The following EP400 variants were observed in gnomAD, a reference collection of about 807,000 sequenced individuals.
The protein encoded by EP400 is E1A binding protein p400, also known as E1A-binding protein p400.
EP400 carries 105 observed loss-of-function variants against 354.1 expected under a neutral mutation model. That is an observed-to-expected ratio of 0.30 (90% confidence interval 0.25 to 0.35). EP400 has a LOEUF of 0.35. Among genes scored for constraint, EP400 ranks in the 10% least tolerant of loss-of-function variants. EP400 has a pLI of 1.00. For missense variants in EP400, 3,280 were observed against 4,121.0 expected, an observed-to-expected ratio of 0.80 and a Z score of 5.59; for synonymous variants, 1,646 against 1,716.9, an observed-to-expected ratio of 0.96 and a Z score of 1.02.
chr12:132,016,984 G>A (rs997572998), intron 19 of EP400, among the ~76,000 whole-genome samples: 3 of 152,178 alleles, frequency 2.0e-5, no homozygotes, highest in African/African-American at 7.2e-5. Context: ...CTGGTGCACT[G>A]TGCTCACACC....
chr12:132,033,741 AG>A (rs1339182619), intron 30 of EP400, among the ~76,000 whole-genome samples: 2 of 152,070 alleles, frequency 1.3e-5, no homozygotes, highest in Admixed American at 1.3e-4. Flanking sequence ...TGTGTTGCCC[AG>A]GCTGGTCCCA....
intron 2 of EP400, chr12:131,963,686 T>G: frequency 6.7e-7 from 1 of 1,494,978 alleles, no homozygotes; most frequent in East Asian, 2.3e-5. Flanking sequence ...CCCAAACTTT[T>G]CCTTCATCCA....
In EP400 at chr12:131,990,556, T is replaced by C. The variant is rs761393977; in HGVS notation, c.2551-80T>C. On this transcript the variant is annotated intron_variant, in intron 8 of 52. Coordinates refer to ENST00000389561, the MANE Select transcript of EP400 (RefSeq NM_015409.5). The surrounding 1 kb of genome is among the most constrained non-coding windows in gnomAD (Gnocchi z 4.2). ...ACACTGTTTTCAGACTCTGCTTATGTGCTTTAGTGTTTTGTATGCAGAACG... is the reference window on the plus strand; with the variant it reads ...ACACTGTTTTCAGACTCTGCTTATGCGCTTTAGTGTTTTGTATGCAGAACG... The C allele has an allele frequency of 1.2e-5, 13 of 1,050,172 alleles. No individual in the cohort carries two copies. The highest frequency in any genetic ancestry group is 1.8e-5 in the Non-Finnish European group (13 of 704,784). The allele number at this position is 1,050,172 out of a possible 1,614,324, so 65.1% of individuals were successfully genotyped here.
rs139602649 is a variant in EP400, at chr12:131,985,953, G to C, written c.1930-561G>C. Among the ~76,000 whole-genome samples the C allele has an allele frequency of 4.3e-4, 65 of 152,186 alleles. 1 individual carries two copies. The highest frequency in any genetic ancestry group is 1.4e-3 in the African/African-American group (60 of 41,530). ...TTTTAGCCTGTCTGCCATGAGAGAG[G>C]CACACTGAATTTGTATTTTATTTTA... On this transcript the variant is annotated intron_variant, in intron 5 of 52. Coordinates refer to ENST00000389561, the MANE Select transcript of EP400 (RefSeq NM_015409.5).
Position 131,986,614 on chromosome 12 carries a change from G to T in EP400, c.2030G>T (p.Gly677Val), listed in dbSNP as rs774393657. 54 of 1,613,814 alleles carry T rather than the reference G, an allele frequency of 3.3e-5. No homozygotes were observed. Among genetic ancestry groups the T allele is most frequent in the Non-Finnish European group, 4.0e-5 (47 of 1,180,026 alleles). Residue 677 changes from glycine (G) to valine (V), a missense_variant, in exon 6 of 53, where the codon GGC (glycine) becomes GTC (valine). Gly to Val is a moderately radical substitution (Grantham distance 109). This residue lies in a region of EP400 where 800 missense variants were observed against 840.0 expected (regional missense o/e 0.95). Coordinates refer to ENST00000389561, the MANE Select transcript of EP400 (RefSeq NM_015409.5). ...TCCCTCGCGCCTGTGAGTGGCTCCG[G>T]CCCAGGACCCTCCCCTGCTCGATCC... ...TSSLAPVSGS[G>V]PGPSPARSSP... is the part of the protein sequence containing the mutation.
chr12:131,956,467 T>A (rs555409039), intron 1 of EP400, among the ~76,000 whole-genome samples: 1 of 152,210 alleles, frequency 6.6e-6, no homozygotes, highest in African/African-American at 2.4e-5. Flanking sequence ...TGCTTTTTAA[T>A]TTTTTTTGTT....
chr12:131,961,874 A>C lies in EP400; in HGVS notation c.1255A>C (p.Arg419=), dbSNP rs201667326. 7.4e-6 allele frequency: 12 copies of C among 1,614,220 alleles called. No homozygotes were observed. Among genetic ancestry groups the C allele is most frequent in the Non-Finnish European group, 9.3e-6 (11 of 1,180,042 alleles). The change falls in exon 2 of 53, where the codon AGG becomes CGG. Residue 419 remains arginine (R), a synonymous_variant. Transcript: ENST00000389561. ...TTATGCCCCATTACAAGCATATCTTAGGCAGAATGATTTGGACATTGAAGA... is the reference window on the plus strand; with the variant it reads ...TTATGCCCCATTACAAGCATATCTTCGGCAGAATGATTTGGACATTGAAGA... ...KHYAPLQAYL[R]QNDLDIEEEE... is the part of the protein sequence containing the mutation.
chr12:131,967,317 G>T (rs1051024761), intron 2 of EP400, among the ~76,000 whole-genome samples: 2 of 151,966 alleles, frequency 1.3e-5, no homozygotes, highest in African/African-American at 4.8e-5. Context: ...GGAGATGGAG[G>T]TTGCAGTGAG....
intron 5 of EP400, among the ~76,000 whole-genome samples, chr12:131,982,843 G>T (rs1892727605): frequency 6.6e-6 from 1 of 151,990 alleles, no homozygotes; most frequent in Admixed American, 6.6e-5. Flanking sequence ...GGTGGCAAGT[G>T]CCTGTAGTCC....
chr12:132,008,379 C>G (rs1313687044), intron 15 of EP400, among the ~76,000 whole-genome samples: 2 of 152,208 alleles, frequency 1.3e-5, no homozygotes, highest in Non-Finnish European at 1.5e-5. Flanking sequence ...TAAGCATAAG[C>G]AGATCAACTT....
intron 12 of EP400, among the ~76,000 whole-genome samples, chr12:131,999,983 T>TC (rs1190417613): frequency 6.6e-6 from 1 of 151,610 alleles, no homozygotes; most frequent in Non-Finnish European, 1.5e-5. Context: ...CAGATTCTTT[T>TC]TTTTTTTTTT....
Position 132,053,387 on chromosome 12 carries a change from G to GGCCCCCCCCCC in EP400, c.7518_7519insGCCCCCCCCCC (p.Pro2507AlafsTer92). The GGCCCCCCCCCC allele has an allele frequency of 1.3e-6, 2 of 1,546,958 alleles. No homozygotes were observed. Among genetic ancestry groups the GGCCCCCCCCCC allele is most frequent in the South Asian group, 1.2e-5 (1 of 84,560 alleles). On this transcript the variant is annotated frameshift_variant, in exon 43 of 53. Transcript: ENST00000389561. LOFTEE classifies it high-confidence loss of function. The stretch of plus-strand genomic sequence containing the variant: ...AGGCACAGCAGCCGGCCGTGGCCCA[G>GGCCCCCCCCCC]CCACCCCCGCCCCAGCCGCAGCCCC...
intron 51 of EP400, 96 bp downstream of exon 51, chr12:132,069,737 C>A: frequency 1.3e-6 from 2 of 1,536,268 alleles, no homozygotes; most frequent in Non-Finnish European, 1.8e-6. Context: ...CCAGCCCTTG[C>A]GGCTGCACTG....
chr12:131,990,128 G>C lies in EP400; in HGVS notation c.2550+24G>C, dbSNP rs1310984620. On this transcript the variant is annotated intron_variant, in intron 8 of 52. Coordinates refer to ENST00000389561, the MANE Select transcript of EP400 (RefSeq NM_015409.5). This position sits in a 1 kb window ranked among gnomAD's most constrained non-coding sequence, Gnocchi z 4.2. The stretch of plus-strand genomic sequence containing the variant: ...AGGCGAGTGCTGCCGTTGTCATGGG[G>C]TCGTAAGAATCAGTCTGTCGGAGCT... The C allele has an allele frequency of 6.3e-7, 1 of 1,585,530 alleles. No homozygotes were observed. The highest frequency in any genetic ancestry group is 8.6e-7 in the Non-Finnish European group (1 of 1,168,764).
chr12:132,018,336 C>T lies in EP400; in HGVS notation c.4237C>T (p.Pro1413Ser), dbSNP rs759980886. ...GGAGGAAATCTCCACTTCAGCAGCCCCAGCAGCCCGACCAGCAGCAGCAAA... is the reference window on the plus strand; with the variant it reads ...GGAGGAAATCTCCACTTCAGCAGCCTCAGCAGCCCGACCAGCAGCAGCAAA... ...LMEEISTSAA[P>S]AARPAAAKLK... Residue 1413 changes from proline (P) to serine (S), a missense_variant, in exon 21 of 53, where the codon CCA becomes TCA. Coordinates refer to ENST00000389561, the MANE Select transcript of EP400 (RefSeq NM_015409.5). This position sits in a 1 kb window ranked among gnomAD's most constrained non-coding sequence, Gnocchi z 4.0. 2 of 1,611,514 alleles carry T rather than the reference C, an allele frequency of 1.2e-6. No homozygotes were observed. Among genetic ancestry groups the T allele is most frequent in the African/African-American group, 1.3e-5 (1 of 74,594 alleles).
chr12:132,071,758 C>T (rs910075038), intron 51 of EP400, among the ~76,000 whole-genome samples: 1 of 152,172 alleles, frequency 6.6e-6, no homozygotes, highest in Admixed American at 6.5e-5. Flanking sequence ...TGCACTTGCT[C>T]CTCTGCACCT....
intron 2 of EP400, among the ~76,000 whole-genome samples, chr12:131,972,313 C>T (rs920748569): frequency 7.2e-5 from 11 of 152,012 alleles, no homozygotes; most frequent in East Asian, 5.8e-4. Flanking sequence ...CGACCACGCC[C>T]GGCGAATTTT....
chr12:132,045,041 C>T (rs933322305), intron 37 of EP400, 88 bp downstream of exon 37: 5 of 1,540,990 alleles, frequency 3.2e-6, no homozygotes, highest in Non-Finnish European at 3.5e-6. Context: ...GTCTGCCTGT[C>T]TGCTGTCTGC....
rs145159423 is a variant in EP400 at position 132,025,734 on chromosome 12, C to A, written c.4944C>A (p.Gly1648=). 2.2e-5 allele frequency: 35 copies of A among 1,612,728 alleles called. No individual in the cohort carries two copies. The African/African-American group carries it at 4.3e-4, about 20-fold the overall frequency. Reference sequence around the variant, plus strand: ...TGATGCAGACCGTGTCTCAGGCGGGCGCTGTGCACGGCGCCCTGGGAAGCA... The same window carrying A: ...TGATGCAGACCGTGTCTCAGGCGGGAGCTGTGCACGGCGCCCTGGGAAGCA... The part of the protein sequence containing the change: ...PVVMQTVSQA[G]AVHGALGSKP... Residue 1648 remains glycine (G), a synonymous_variant, in exon 25 of 53, where the codon GGC becomes GGA. Transcript: ENST00000389561. The surrounding 1 kb of genome is among the most constrained non-coding windows in gnomAD (Gnocchi z 4.1).
Sources: allele counts gnomAD v4.1 joint callset (sites outside exome capture counted in the v4.1 genomes callset), GRCh38; gene constraint gnomAD v4.1.1; regional missense constraint gnomAD v4.1.1; non-coding constraint Gnocchi (gnomAD v3.1); transcripts MANE v1.5; gene names NCBI Gene and HGNC (gene_info 2026-07-23, HGNC 2026-07-21).